Variants in SASH1 observed in about 807,000 individuals in gnomAD.
SASH1 encodes the protein SAM and SH3 domain containing 1.
A neutral mutation model predicts 125.2 loss-of-function variants in SASH1; 44 were observed. The ratio of observed to expected loss-of-function variants is 0.35; its 90% CI spans 0.28 to 0.45. SASH1 has a LOEUF of 0.45. SASH1 is among the 20% of genes least tolerant of loss of function. SASH1 has a pLI of 1.00. For synonymous variants in SASH1, 639 were observed against 649.1 expected, an observed-to-expected ratio of 0.98 and a Z score of 0.24; for missense variants, 1,426 against 1,614.5, an observed-to-expected ratio of 0.88 and a Z score of 2.00.
chr6:148,206,640 A>C, the SASH1 span, among the ~76,000 whole-genome samples: 2 of 151,908 alleles, frequency 1.3e-5, no homozygotes, highest in African/African-American at 4.8e-5. Context: ...AAATACAAAA[A>C]TTTGCCAGGG....
the SASH1 span, among the ~76,000 whole-genome samples, chr6:148,248,381 A>G: frequency 3.9e-5 from 6 of 152,330 alleles, no homozygotes; most frequent in South Asian, 1.2e-3. Flanking sequence ...TTATTAAAAG[A>G]AGAAAGAATG....
intron 1 of SASH1, among the ~76,000 whole-genome samples, chr6:148,287,440 T>A (rs1779509517): frequency 6.6e-6 from 1 of 152,144 alleles, no homozygotes; most frequent in African/African-American, 2.4e-5. Context: ...CCAGGATCCT[T>A]TGAGGATGGT....
At chr6:148,321,702 A>G (rs1190677319) in intron 1 of SASH1, among the ~76,000 whole-genome samples, 1 of 152,240 alleles carries the variant, frequency 6.6e-6, no homozygotes, top group Non-Finnish European at 1.5e-5. Context: ...TGCTTAGCAC[A>G]AAATAGACAC....
chr6:148,411,103 G>A (rs1784607648), intron 2 of SASH1, among the ~76,000 whole-genome samples: 2 of 142,238 alleles, frequency 1.4e-5, no homozygotes, highest in South Asian at 4.5e-4. Context: ...AGGTTGCGGT[G>A]AGCTGAGATC....
the SASH1 span, among the ~76,000 whole-genome samples, chr6:148,193,687 T>C: frequency 2.6e-5 from 4 of 152,230 alleles, no homozygotes; most frequent in Non-Finnish European, 5.9e-5. Context: ...CTTGTGGCTT[T>C]TTATAAAATA....
intron 2 of SASH1, among the ~76,000 whole-genome samples, chr6:148,421,146 G>GAAGGAAGGAAGGAAGGAAGGAAGGAAGAA (rs1554254949): frequency 2.8e-4 from 20 of 71,242 alleles, no homozygotes; most frequent in South Asian, 4.1e-4. Context: ...AGGAAGGAAG[G>GAAGGAAGGAAGGAAGGAAGGAAGGAAGAA]AAGAAAGAAA....
At chr6:148,357,132 G>T (rs893534981) in intron 1 of SASH1, among the ~76,000 whole-genome samples, 1 of 152,276 alleles carries the variant, frequency 6.6e-6, no homozygotes, top group Admixed American at 6.5e-5. Context: ...CACTCTGTGG[G>T]TTGTCTGTTT....
At position 148,527,508 on chromosome 6, in the gene SASH1, G is replaced by T. The variant is rs144253421; in HGVS notation, c.1340G>T (p.Arg447Leu). Reference protein sequence around the residue: ...KEVIKSPTASRISLGKKVKSV... With the variant: ...KEVIKSPTASLISLGKKVKSV... ...GTCATCAAATCACCTACTGCCTCTC[G>T]CATCTCTCTTGGGAAAAAGGTGAAA... The change falls in exon 12 of 20, where the codon CGC becomes CTC. Residue 447 changes from arginine (R) to leucine (L), a missense_variant. This residue lies in a region of SASH1 where 567 missense variants were observed against 575.6 expected (regional missense o/e 0.99). Transcript: ENST00000367467. 3 of 1,609,816 alleles carry T rather than the reference G, an allele frequency of 1.9e-6. No individual in the cohort carries two copies. Among genetic ancestry groups the T allele is most frequent in the Non-Finnish European group, 2.5e-6 (3 of 1,178,548 alleles).
At position 148,471,463 on chromosome 6, in the gene SASH1, C is replaced by T; in HGVS notation, c.474C>T (p.Phe158=). The change falls in exon 6 of 20, where the codon TTC becomes TTT. Residue 158 remains phenylalanine, a synonymous_variant. Transcript: ENST00000367467. ...KKKNKYFWQN[F]RKNQKGIMRQ... ...AAAATAAGTATTTCTGGCAGAACTT[C>T]CGAAAGAACCAGAAAGGAATAATGA... is the stretch of plus-strand genomic sequence containing the variant. The T allele has an allele frequency of 6.3e-7, 1 of 1,579,930 alleles. No homozygotes were observed.
At chr6:148,382,236 A>G (rs543611952) in intron 1 of SASH1, among the ~76,000 whole-genome samples, 10 of 152,270 alleles carry the variant, frequency 6.6e-5, no homozygotes, top group African/African-American at 2.4e-4. Context: ...ATCTGAACCC[A>G]CAACAGCTCC....
At chr6:148,390,418 GC>G (rs1783654328) in intron 2 of SASH1, among the ~76,000 whole-genome samples, 156 bp downstream of exon 2, 1 of 152,166 alleles carries the variant, frequency 6.6e-6, no homozygotes, top group South Asian at 2.1e-4. Context: ...TAAAAGACTG[GC>G]CCAGTTCTGC....
chr6:148,300,509 C>T (rs57650432), intron 1 of SASH1, among the ~76,000 whole-genome samples: 9,445 of 141,960 alleles, frequency 0.067, 519 homozygotes, highest in East Asian at 0.28. Flanking sequence ...AGTGTGGTAG[C>T]GAGATGTCGG....
chr6:148,211,898 A>C, the SASH1 span, among the ~76,000 whole-genome samples: 18 of 152,194 alleles, frequency 1.2e-4, no homozygotes, highest in South Asian at 3.5e-3. Flanking sequence ...CTTTCAGGAC[A>C]CTCTAGAATA....
rs55644027 is a variant in SASH1 at position 148,537,776 on chromosome 6, CTGTGTGTGTGTGTGTGTG to C, written c.2096-2628_2096-2611del. Among the ~76,000 whole-genome samples the C allele has an allele frequency of 6.5e-3, 813 of 125,686 alleles. 4 individuals carry two copies. Among genetic ancestry groups the C allele is most frequent in the African/African-American group, 0.015 (517 of 33,794 alleles). The allele number at this position is 125,686 out of a possible 152,430, so 82.5% of individuals were successfully genotyped here. ...ATATTCATAGGTGTCTTAGCATATT[CTGTGTGTGTGTGTGTGTG>C]TGTGTGTGTGTGTGTGTGTGTGTGT... On this transcript the variant is annotated intron_variant, in intron 16 of 19. Coordinates refer to ENST00000367467, the MANE Select transcript of SASH1 (RefSeq NM_015278.5).
the SASH1 span, among the ~76,000 whole-genome samples, chr6:148,246,743 T>C: frequency 1.3e-5 from 2 of 152,232 alleles, no homozygotes; most frequent in African/African-American, 4.8e-5. Flanking sequence ...TCCAAAATAT[T>C]ATGAATACTT....
intron 4 of SASH1, among the ~76,000 whole-genome samples, chr6:148,458,999 C>CA (rs1777489327): frequency 6.7e-6 from 1 of 148,900 alleles, no homozygotes; most frequent in Non-Finnish European, 1.5e-5. Context: ...CACACACACA[C>CA]ACACACACAC....
chr6:148,471,386 CTTTTTTTTT>C lies in SASH1; in HGVS notation c.428-12_428-4del, dbSNP rs35487674. On this transcript the variant is annotated intron_variant, in intron 5 of 19. Coordinates refer to ENST00000367467, the MANE Select transcript of SASH1 (RefSeq NM_015278.5). ...GAATTTATTGCTTGTGCTTTTTGTTCTTTTTTTTTTTTTTTTTTTTTTTTTTTAAGGAAA... is the reference window on the plus strand; with the variant it reads ...GAATTTATTGCTTGTGCTTTTTGTTCTTTTTTTTTTTTTTTTTTAAGGAAA... The C allele has an allele frequency of 7.5e-4, 378 of 503,480 alleles. 3 individuals carry two copies. Among genetic ancestry groups the C allele is most frequent in the South Asian group, 1.4e-3 (40 of 28,306 alleles). The allele number at this position is 503,480 out of a possible 1,614,324, so 31.2% of individuals were successfully genotyped here.
rs369622700 is a variant in SASH1, at chr6:148,519,574, C to T, written c.890C>T (p.Ser297Leu). The T allele has an allele frequency of 2.5e-5, 41 of 1,613,838 alleles. No homozygotes were observed. Among genetic ancestry groups the T allele is most frequent in the South Asian group, 7.7e-5 (7 of 91,072 alleles). The change falls in exon 10 of 20, where the codon TCG becomes TTG. Residue 297 changes from serine (S) to leucine (L), a missense_variant. By Grantham distance (145) the Ser-to-Leu change is moderately radical (BLOSUM62 -2). This residue lies in a region of SASH1 where 567 missense variants were observed against 575.6 expected (regional missense o/e 0.99). Transcript: ENST00000367467. The surrounding 1 kb of genome is among the most constrained non-coding windows in gnomAD (Gnocchi z 4.8). The stretch of plus-strand genomic sequence containing the variant: ...GGGGAGGAGCACGTGTTTGAGAATT[C>T]GCCGGTCCTGGATGAACGGTCCGCC... ...EGGEEHVFEN[S>L]PVLDERSALY...
intron 7 of SASH1, among the ~76,000 whole-genome samples, chr6:148,474,466 C>G (rs1029851032): frequency 6.6e-6 from 1 of 152,148 alleles, no homozygotes; most frequent in Admixed American, 6.5e-5. Flanking sequence ...AAATGGCCTT[C>G]TGAATGCAGC....
Sources: allele counts gnomAD v4.1 joint callset (sites outside exome capture counted in the v4.1 genomes callset), GRCh38; gene constraint gnomAD v4.1.1; regional missense constraint gnomAD v4.1.1; non-coding constraint Gnocchi (gnomAD v3.1); transcripts MANE v1.5; gene names NCBI Gene and HGNC (gene_info 2026-07-23, HGNC 2026-07-21).